The following CSMD2 variants were observed in gnomAD, a reference collection of about 807,000 sequenced individuals.
CSMD2 encodes the protein CUB and sushi domain-containing protein 2.
In CSMD2, 130 loss-of-function variants were observed where a neutral mutation model predicts 398.5. The ratio of observed to expected loss-of-function variants is 0.33; its 90% CI spans 0.28 to 0.38. The LOEUF (loss-of-function observed/expected upper bound fraction) is 0.38. Among genes scored for constraint, CSMD2 ranks in the 10% least tolerant of loss-of-function variants. The pLI, the probability that CSMD2 is intolerant of heterozygous loss-of-function variation, is 1.00. For synonymous variants in CSMD2, 1,828 were observed against 1,908.5 expected (o/e 0.96, Z 1.10); for missense variants, 3,829 against 4,764.9 (o/e 0.80, Z 5.78).
chr1:33,803,543 G>A (rs544821127), intron 10 of CSMD2, among the ~76,000 whole-genome samples: 4 of 152,248 alleles, frequency 2.6e-5, no homozygotes, highest in South Asian at 4.2e-4. Flanking sequence ...AATATAGGCC[G>A]AGTACCTACT....
At chr1:33,549,603 C>A (rs1053523152) in intron 56 of CSMD2, among the ~76,000 whole-genome samples, 1 of 152,118 alleles carries the variant, frequency 6.6e-6, no homozygotes, top group African/African-American at 2.4e-5. Flanking sequence ...GTAAAAGGAA[C>A]TTAACAGGAA....
chr1:33,709,439 A>T (rs139743992), intron 21 of CSMD2, 181 bp from the exon 22 acceptor site: 2 of 568,196 alleles, frequency 3.5e-6, no homozygotes, highest in Non-Finnish European at 6.2e-6. Context: ...CTTAAAAAAA[A>T]AATACTTCCC....
At chr1:33,621,196 C>T (rs1417835607) in intron 37 of CSMD2, among the ~76,000 whole-genome samples, 1 of 152,176 alleles carries the variant, frequency 6.6e-6, no homozygotes, top group Non-Finnish European at 1.5e-5. Context: ...TGCCCATGTC[C>T]ATCTCTCCTT....
At chr1:33,726,022 CAAA>C (rs1030991864) in intron 16 of CSMD2, among the ~76,000 whole-genome samples, 2 of 152,198 alleles carry the variant, frequency 1.3e-5, no homozygotes, top group South Asian at 4.2e-4. Context: ...GCTCTTCACA[CAAA>C]AGTTTGCAGA....
At chr1:33,719,451 G>A (rs867117755) in intron 19 of CSMD2, among the ~76,000 whole-genome samples, 2 of 152,202 alleles carry the variant, frequency 1.3e-5, no homozygotes, top group African/African-American at 2.4e-5. Flanking sequence ...TCCCAGCTGC[G>A]CTGACTGCTT....
chr1:33,608,413 T>C (rs1268555612), intron 41 of CSMD2, among the ~76,000 whole-genome samples: 1 of 152,070 alleles, frequency 6.6e-6, no homozygotes, highest in Non-Finnish European at 1.5e-5. Flanking sequence ...TTCCTTATAT[T>C]TATCCGAGAA....
At chr1:33,822,075 A>G (rs1405201566) in intron 7 of CSMD2, among the ~76,000 whole-genome samples, 1 of 151,976 alleles carries the variant, frequency 6.6e-6, no homozygotes, top group Non-Finnish European at 1.5e-5. Context: ...GCCGCTGGAG[A>G]GTTCTGGTGG....
chr1:33,961,147 G>A (rs1469607738), intron 3 of CSMD2, among the ~76,000 whole-genome samples: 1 of 152,256 alleles, frequency 6.6e-6, no homozygotes, highest in Admixed American at 6.5e-5. Flanking sequence ...CACAACTCAT[G>A]GCTTGGCAGC....
chr1:33,877,108 T>G (rs1640893004), intron 5 of CSMD2, among the ~76,000 whole-genome samples: 1 of 152,218 alleles, frequency 6.6e-6, no homozygotes, highest in African/African-American at 2.4e-5. Context: ...GATCGATGTG[T>G]GGGCAGAAGG....
At chr1:33,872,223 A>C (rs1237023951) in intron 5 of CSMD2, among the ~76,000 whole-genome samples, 1 of 152,202 alleles carries the variant, frequency 6.6e-6, no homozygotes, top group East Asian at 1.9e-4. Flanking sequence ...GTCCAAGCAA[A>C]GTGTTGAAAA....
chr1:33,782,719 T>C (rs1652945061), intron 12 of CSMD2, among the ~76,000 whole-genome samples: 1 of 152,238 alleles, frequency 6.6e-6, no homozygotes, highest in Non-Finnish European at 1.5e-5. Flanking sequence ...TGAGCATGTG[T>C]CCTGTGCCAG....
rs1033730731 is a variant in CSMD2, at chr1:33,825,411, A to C, written c.1111+286T>G. Among the ~76,000 whole-genome samples, 7 of 152,360 alleles carry C rather than the reference A, an allele frequency of 4.6e-5. No individual in the cohort carries two copies. The South Asian group carries it at 1.4e-3, about 32-fold the overall frequency. On this transcript the variant is annotated intron_variant, in intron 7 of 70. Coordinates refer to ENST00000373381, the MANE Select transcript of CSMD2 (RefSeq NM_001281956.2). ...GAAGTGATTCAAAAGGAAAATAAAG[A>C]GAGAAATGTAGCAGTAATGACTCCC...
chr1:33,890,232 CT>C (rs11417145), intron 5 of CSMD2, among the ~76,000 whole-genome samples: 7,198 of 130,246 alleles, frequency 0.055, 146 homozygotes, highest in Middle Eastern at 0.12. Flanking sequence ...CTTTTTCTTT[CT>C]TTTTTTTTTT....
rs374791495 is a variant in CSMD2 at position 33,524,966 on chromosome 1, G to A, written c.10312C>T (p.Leu3438Phe). Residue 3438 changes from leucine (L) to phenylalanine (F), a missense_variant, in exon 66 of 71, where the codon CTC (leucine) becomes TTC (phenylalanine). This residue lies in a region of CSMD2 where 917 missense variants were observed against 1,199.5 expected (regional missense o/e 0.76). Transcript: ENST00000373381. ...GCAACTTGGAAGCCAGTCACTCTGA[G>A]CATGGCTGGCTGCTTCTTCCCCTGG... ...EYQGKKQPAM[L>F]RVTGFQVANS... The A allele has an allele frequency of 6.2e-7, 1 of 1,614,242 alleles. No individual in the cohort carries two copies. Among genetic ancestry groups the A allele is most frequent in the Non-Finnish European group, 8.5e-7 (1 of 1,180,040 alleles).
intron 19 of CSMD2, among the ~76,000 whole-genome samples, chr1:33,722,059 T>C: frequency 6.6e-6 from 1 of 152,374 alleles, no homozygotes; most frequent in East Asian, 1.9e-4. Context: ...CTGCCTAGTA[T>C]TTTATTCTAT....
intron 3 of CSMD2, among the ~76,000 whole-genome samples, chr1:34,007,907 T>C (rs1647110058): frequency 6.6e-6 from 1 of 152,192 alleles, no homozygotes; most frequent in African/African-American, 2.4e-5. Context: ...TCCATGAACA[T>C]GTAACACAAT....
At chr1:34,069,248 T>C (rs1435052788) in intron 2 of CSMD2, among the ~76,000 whole-genome samples, 1 of 151,958 alleles carries the variant, frequency 6.6e-6, no homozygotes, top group East Asian at 1.9e-4. Context: ...TGGGCAAGAA[T>C]TTGCTGAGAC....
intron 1 of CSMD2, among the ~76,000 whole-genome samples, chr1:34,153,897 A>G (rs541943924): frequency 4.5e-4 from 69 of 152,206 alleles, no homozygotes; most frequent in Non-Finnish European, 2.8e-4. Flanking sequence ...GGATCTGACT[A>G]TATCAAAAGG....
chr1:33,558,743 T>C (rs1375507633), intron 54 of CSMD2, among the ~76,000 whole-genome samples: 1 of 152,206 alleles, frequency 6.6e-6, no homozygotes, highest in Admixed American at 6.5e-5. Context: ...CTCTGCCTTT[T>C]GAGTCTTTGG....
Sources: gnomAD v4.1 joint callset for allele counts (sites outside exome capture counted in the v4.1 genomes callset) on GRCh38, gnomAD v4.1.1 for gene constraint, gnomAD v4.1.1 regional missense constraint, MANE v1.5 for transcripts, NCBI Gene and HGNC (gene_info 2026-07-23, HGNC 2026-07-21) for gene names.